Variants in CDH12 observed in about 807,000 individuals in gnomAD.
The protein encoded by CDH12 is cadherin-12.
A neutral mutation model predicts 74.1 loss-of-function variants in CDH12; 41 were observed. That is an observed-to-expected ratio of 0.55 (90% CI 0.43 to 0.72). The LOEUF (loss-of-function observed/expected upper bound fraction) is 0.72. CDH12 is among the 30% of genes least tolerant of loss of function. CDH12 has a pLI of 0.00. For missense variants in CDH12, 945 were observed against 977.2 expected, an observed-to-expected ratio of 0.97 and a Z score of 0.44; for synonymous variants, 399 against 355.0, an observed-to-expected ratio of 1.12 and a Z score of -1.39.
chr5:22,422,351 A>G (rs986871541), intron 2 of CDH12, among the ~76,000 whole-genome samples: 3 of 152,072 alleles, frequency 2.0e-5, no homozygotes, highest in Admixed American at 6.6e-5. Flanking sequence ...ATAATTATGC[A>G]GTTTTTTTCT....
intron 1 of CDH12, among the ~76,000 whole-genome samples, chr5:22,788,307 T>C (rs1017406671): frequency 6.6e-6 from 1 of 152,114 alleles, no homozygotes; most frequent in Non-Finnish European, 1.5e-5. Flanking sequence ...TCCTTTATTT[T>C]ATGCTGTAAT....
chr5:21,872,470 G>C (rs1289123110), intron 6 of CDH12, among the ~76,000 whole-genome samples: 2 of 152,116 alleles, frequency 1.3e-5, no homozygotes, highest in Non-Finnish European at 2.9e-5. Context: ...TTATGGTGTT[G>C]CCTTCTTTAT....
At chr5:21,922,772 T>C (rs1754410323) in intron 6 of CDH12, among the ~76,000 whole-genome samples, 1 of 152,110 alleles carries the variant, frequency 6.6e-6, no homozygotes, top group Admixed American at 6.6e-5. Flanking sequence ...GACTAAGATA[T>C]AGAAAAGATT....
chr5:22,336,764 C>T (rs568719557), intron 3 of CDH12, among the ~76,000 whole-genome samples: 1 of 152,318 alleles, frequency 6.6e-6, no homozygotes, highest in South Asian at 2.1e-4. Flanking sequence ...TCATGAAGAA[C>T]CTCTGCTAGG....
intron 1 of CDH12, among the ~76,000 whole-genome samples, chr5:22,801,373 T>G (rs1435229357): frequency 2.6e-5 from 4 of 151,958 alleles, no homozygotes; most frequent in Non-Finnish European, 5.9e-5. Flanking sequence ...AAAATGCCAG[T>G]TTTGGGACGC....
intron 1 of CDH12, among the ~76,000 whole-genome samples, chr5:22,700,551 G>A: frequency 6.6e-6 from 1 of 152,090 alleles, no homozygotes; most frequent in East Asian, 1.9e-4. Flanking sequence ...ATAACTTTTG[G>A]CAAAGTTTCT....
Position 21,812,952 on chromosome 5 carries a change from A to G in CDH12, c.1002+3993T>C, listed in dbSNP as rs1317937994. Among the ~76,000 whole-genome samples the G allele has an allele frequency of 2.6e-5, 4 of 152,162 alleles. No individual in the cohort carries two copies. In the East Asian group the frequency reaches 7.7e-4, roughly 29 times the overall value. ...GTTTTATTAGGCTCTGAAGTCTCAA[A>G]TGCTTGGTGTAATTTACCAGATGAT... On this transcript the variant is annotated intron_variant, in intron 9 of 14. Coordinates refer to ENST00000382254, the MANE Select transcript of CDH12 (RefSeq NM_004061.5).
intron 4 of CDH12, among the ~76,000 whole-genome samples, chr5:22,095,206 T>C (rs1220830206): frequency 6.6e-6 from 1 of 152,152 alleles, no homozygotes; most frequent in Non-Finnish European, 1.5e-5. Flanking sequence ...CAATTTTAAA[T>C]CAGGTAAGTG....
chr5:22,573,942 T>C (rs1415099569), intron 1 of CDH12, among the ~76,000 whole-genome samples: 1 of 152,132 alleles, frequency 6.6e-6, no homozygotes, highest in Non-Finnish European at 1.5e-5. Context: ...TCACGCTAAA[T>C]GGTGTTGAAC....
intron 2 of CDH12, among the ~76,000 whole-genome samples, chr5:22,477,490 A>G (rs1746213511): frequency 6.6e-6 from 1 of 152,274 alleles, no homozygotes; most frequent in East Asian, 1.9e-4. Flanking sequence ...TCTATCATTG[A>G]TGGACACTTA....
chr5:22,573,579 A>G (rs1294404986), intron 1 of CDH12, among the ~76,000 whole-genome samples: 1 of 152,154 alleles, frequency 6.6e-6, no homozygotes, highest in African/African-American at 2.4e-5. Context: ...AAAGAAAGCA[A>G]CCATGTCTAA....
intron 6 of CDH12, among the ~76,000 whole-genome samples, chr5:21,918,269 A>G (rs1469630103): frequency 6.6e-6 from 1 of 152,146 alleles, no homozygotes; most frequent in East Asian, 1.9e-4. Context: ...TCCAATATGC[A>G]TTTAAGTGTG....
intron 1 of CDH12, among the ~76,000 whole-genome samples, chr5:22,801,679 A>ATG (rs1426726418): frequency 3.3e-5 from 3 of 91,540 alleles, no homozygotes; most frequent in African/African-American, 1.7e-4. Context: ...ATATATATAT[A>ATG]TATATACACT....
intron 4 of CDH12, among the ~76,000 whole-genome samples, chr5:22,196,406 G>C (rs1389796260): frequency 6.6e-6 from 1 of 152,028 alleles, no homozygotes; most frequent in East Asian, 1.9e-4. Context: ...GCCTCCCAAA[G>C]TGCTGGGATT....
chr5:21,816,867 T>G lies in CDH12; in HGVS notation c.1002+78A>C, dbSNP rs186247291. On this transcript the variant is annotated intron_variant, in intron 9 of 14. Coordinates refer to ENST00000382254, the MANE Select transcript of CDH12 (RefSeq NM_004061.5). ...CTAATTGAAGGAAAATTAAAATTAC[T>G]TGTCATTTTCAATATTTATTTTTTA... The G allele has an allele frequency of 1.4e-3, 1,474 of 1,028,118 alleles. 17 individuals are homozygous for G. The African/African-American group carries it at 0.022, about 15-fold the overall frequency. The allele number at this position is 1,028,118 out of a possible 1,614,324, so 63.7% of individuals were successfully genotyped here.
intron 6 of CDH12, among the ~76,000 whole-genome samples, chr5:21,897,714 G>A (rs565530540): frequency 3.3e-5 from 5 of 152,182 alleles, no homozygotes; most frequent in African/African-American, 1.2e-4. Flanking sequence ...TAATTTATAA[G>A]ATAAAAACTC....
intron 6 of CDH12, among the ~76,000 whole-genome samples, chr5:21,929,507 A>G (rs888548577): frequency 6.6e-6 from 1 of 151,996 alleles, no homozygotes; most frequent in Non-Finnish European, 1.5e-5. Context: ...CTGATCTGAC[A>G]GGAGGCAGAG....
chr5:21,944,258 C>A (rs1302172797), intron 6 of CDH12, among the ~76,000 whole-genome samples: 1 of 152,050 alleles, frequency 6.6e-6, no homozygotes, highest in Non-Finnish European at 1.5e-5. Flanking sequence ...TACTTCTCTT[C>A]AATATTGGTG....
chr5:22,758,144 C>T (rs1295408374), intron 1 of CDH12, among the ~76,000 whole-genome samples: 1 of 152,180 alleles, frequency 6.6e-6, no homozygotes, highest in Non-Finnish European at 1.5e-5. Flanking sequence ...GAGCTCTCGT[C>T]ATCTAACTGC....
Sources: gnomAD v4.1 joint callset for allele counts (sites outside exome capture counted in the v4.1 genomes callset) on GRCh38, gnomAD v4.1.1 for gene constraint, MANE v1.5 for transcripts, NCBI Gene and HGNC (gene_info 2026-07-23, HGNC 2026-07-21) for gene names.